The following FHIT variants were observed in gnomAD, a reference collection of about 807,000 sequenced individuals.
FHIT encodes bis(5'-adenosyl)-triphosphatase.
In FHIT, 19 loss-of-function variants were observed where a neutral mutation model predicts 17.9. The ratio of observed to expected loss-of-function variants is 1.06; its 90% confidence interval spans 0.74 to 1.56. The LOEUF is 1.56. Ranked by LOEUF, FHIT falls within the 40% of genes most tolerant of loss-of-function variation. The pLI is 0.00. For synonymous variants in FHIT, 81 were observed against 69.7 expected, an observed-to-expected ratio of 1.16 and a Z score of -0.81; for missense variants, 248 against 189.2, an observed-to-expected ratio of 1.31 and a Z score of -1.82.
Position 60,073,190 on chromosome 3 carries a change from T to A in FHIT, c.104-59038A>T, listed in dbSNP as rs575429062. On this transcript the variant is annotated intron_variant, in intron 5 of 9. Coordinates refer to ENST00000492590, the MANE Select transcript of FHIT (RefSeq NM_002012.4). Reference sequence around the variant, plus strand: ...CATACAGGTAAATATTGTGCCCCCATATGATGTTTAAAAATAAGGTCCCTT... The same window carrying A: ...CATACAGGTAAATATTGTGCCCCCAAATGATGTTTAAAAATAAGGTCCCTT... 4.6e-5 allele frequency among the ~76,000 whole-genome samples: 7 copies of A among 152,264 alleles called. No individual in the cohort carries two copies. The East Asian group carries it at 9.6e-4, about 21-fold the overall frequency.
chr3:59,991,016 G>A (rs536138639), intron 7 of FHIT, among the ~76,000 whole-genome samples: 2 of 152,028 alleles, frequency 1.3e-5, no homozygotes, highest in African/African-American at 2.4e-5. Flanking sequence ...CCTTCCGTGA[G>A]TTCAAACCTT....
intron 3 of FHIT, among the ~76,000 whole-genome samples, chr3:60,888,020 A>G (rs75910845): frequency 0.011 from 1,637 of 152,314 alleles, 32 homozygotes; most frequent in African/African-American, 0.038. Context: ...CTAAAAGATT[A>G]AATGATATTT....
At chr3:61,114,710 T>C (rs1471810644) in intron 2 of FHIT, among the ~76,000 whole-genome samples, 1 of 152,056 alleles carries the variant, frequency 6.6e-6, no homozygotes, top group Non-Finnish European at 1.5e-5. Flanking sequence ...TTGTAGTGAG[T>C]GAATTTTTTT....
At chr3:60,650,733 C>T (rs556106331) in intron 4 of FHIT, among the ~76,000 whole-genome samples, 21 of 152,264 alleles carry the variant, frequency 1.4e-4, no homozygotes, top group African/African-American at 3.9e-4. Context: ...GAAAACTACG[C>T]GGGTCATTTG....
intron 8 of FHIT, among the ~76,000 whole-genome samples, chr3:59,842,552 A>G (rs983178052): frequency 6.6e-6 from 1 of 152,268 alleles, no homozygotes; most frequent in East Asian, 1.9e-4. Context: ...CATGAGTTCC[A>G]ATTTCTCCAT....
intron 7 of FHIT, among the ~76,000 whole-genome samples, chr3:59,958,791 TTC>T (rs1245659282): frequency 6.6e-6 from 1 of 152,194 alleles, no homozygotes; most frequent in African/African-American, 2.4e-5. Context: ...TTTTCTCCTC[TTC>T]CCTCACTCTT....
intron 4 of FHIT, among the ~76,000 whole-genome samples, chr3:60,702,189 A>G (rs1164598295): frequency 1.3e-5 from 2 of 151,982 alleles, no homozygotes; most frequent in African/African-American, 4.8e-5. Flanking sequence ...CTGAATATTA[A>G]CTTCATATAT....
At chr3:60,594,410 A>G (rs1164219000) in intron 4 of FHIT, among the ~76,000 whole-genome samples, 1 of 152,104 alleles carries the variant, frequency 6.6e-6, no homozygotes, top group African/African-American at 2.4e-5. Context: ...GGAAACCACA[A>G]CTTTTGCAGC....
intron 4 of FHIT, among the ~76,000 whole-genome samples, chr3:60,676,903 C>T (rs1553695519): frequency 6.6e-6 from 1 of 152,102 alleles, no homozygotes; most frequent in Non-Finnish European, 1.5e-5. Context: ...GAGACAGGGT[C>T]TCATAATGTC....
chr3:60,454,496 T>A (rs977506216), intron 5 of FHIT, among the ~76,000 whole-genome samples: 1 of 151,910 alleles, frequency 6.6e-6, no homozygotes. Context: ...GCAATTCTCC[T>A]GCCTCAGCCT....
In FHIT at chr3:60,383,345, G is replaced by C. The variant is rs140911418; in HGVS notation, c.103+153515C>G. On this transcript the variant is annotated intron_variant, in intron 5 of 9. Coordinates refer to ENST00000492590, the MANE Select transcript of FHIT (RefSeq NM_002012.4). Reference sequence around the variant, plus strand: ...TAAAATCACTGGAAACTTTAATTAGGTATTTCCAAATCGCTAGGGGTTATT... The same window carrying C: ...TAAAATCACTGGAAACTTTAATTAGCTATTTCCAAATCGCTAGGGGTTATT... Among the ~76,000 whole-genome samples the C allele has an allele frequency of 7.2e-5, 11 of 152,142 alleles. No homozygotes were observed. In the East Asian group the frequency reaches 2.1e-3, roughly 29 times the overall value.
At position 60,643,280 on chromosome 3, in the gene FHIT, A is replaced by G. The variant is rs182243814; in HGVS notation, c.-17-106301T>C. Among the ~76,000 whole-genome samples the G allele has an allele frequency of 3.9e-5, 6 of 152,042 alleles. No homozygotes were observed. In the East Asian group the frequency reaches 9.7e-4, roughly 25 times the overall value. The stretch of plus-strand genomic sequence containing the variant: ...CATTAAATTACTGGAAACACATCCT[A>G]TGCTCATAGATGGGTAGAATCAATA... On this transcript the variant is annotated intron_variant, in intron 4 of 9. Transcript: ENST00000492590.
chr3:60,968,730 A>T (rs1709869111), intron 3 of FHIT, among the ~76,000 whole-genome samples: 1 of 152,124 alleles, frequency 6.6e-6, no homozygotes, highest in African/African-American at 2.4e-5. Flanking sequence ...TAAAATAAAT[A>T]TTTATCTGAT....
At chr3:60,377,529 C>A (rs1444947055) in intron 5 of FHIT, among the ~76,000 whole-genome samples, 2 of 128,602 alleles carry the variant, frequency 1.6e-5, no homozygotes, top group African/African-American at 3.0e-5. Flanking sequence ...GGCCGGACTG[C>A]GGACTGCAGT....
At chr3:59,881,308 T>A (rs1050130994) in intron 8 of FHIT, among the ~76,000 whole-genome samples, 5 of 152,170 alleles carry the variant, frequency 3.3e-5, no homozygotes, top group Non-Finnish European at 7.3e-5. Context: ...GGCCAAGTAT[T>A]TGGATCTTTT....
rs889973739 is a variant in FHIT at position 60,392,541 on chromosome 3, G to T, written c.103+144319C>A. Among the ~76,000 whole-genome samples, 3 of 152,264 alleles carry T rather than the reference G, an allele frequency of 2.0e-5. 1 individual carries two copies. The highest frequency in any genetic ancestry group is 7.2e-5 in the African/African-American group (3 of 41,544). Reference sequence around the variant, plus strand: ...AGGCAACATCGTAGACATCTCAACTGGTTCATCTTGCACCATTCTGACTGA... The same window carrying T: ...AGGCAACATCGTAGACATCTCAACTTGTTCATCTTGCACCATTCTGACTGA... On this transcript the variant is annotated intron_variant, in intron 5 of 9. Transcript: ENST00000492590.
At chr3:59,962,486 A>G (rs1371678744) in intron 7 of FHIT, among the ~76,000 whole-genome samples, 3 of 152,184 alleles carry the variant, frequency 2.0e-5, no homozygotes, top group Non-Finnish European at 4.4e-5. Flanking sequence ...AATGGCCTAA[A>G]GAGGAAATAT....
intron 4 of FHIT, chr3:60,690,469 T>C (rs1559642684): frequency 3.5e-6 from 2 of 572,532 alleles, no homozygotes; most frequent in Non-Finnish European, 7.0e-6. Context: ...GTTCTCGTCA[T>C]CAAATTTCTC....
chr3:60,371,253 G>T (rs1215771293), intron 5 of FHIT, among the ~76,000 whole-genome samples: 1 of 152,174 alleles, frequency 6.6e-6, no homozygotes, highest in Admixed American at 6.5e-5. Context: ...CTAGCACAAT[G>T]CTTCACCATA....
Sources: allele counts gnomAD v4.1 joint callset (sites outside exome capture counted in the v4.1 genomes callset), GRCh38; gene constraint gnomAD v4.1.1; transcripts MANE v1.5; gene names NCBI Gene and HGNC (gene_info 2026-07-23, HGNC 2026-07-21).